The following SGCZ variants were observed in gnomAD, a reference collection of about 807,000 sequenced individuals.
SGCZ encodes sarcoglycan zeta.
Under a neutral mutation model 41.3 loss-of-function variants are expected in SGCZ, and 40 were observed. The observed-to-expected ratio is 0.97, with a 90% CI of 0.75 to 1.26. SGCZ has a LOEUF of 1.26. Ranked by LOEUF, SGCZ falls within the 50% of genes most tolerant of loss-of-function variation. SGCZ has a pLI of 0.00. For synonymous variants in SGCZ, 206 were observed against 137.5 expected (o/e 1.50, Z -3.49); for missense variants, 552 against 369.8 (o/e 1.49, Z -4.04).
intron 5 of SGCZ, among the ~76,000 whole-genome samples, chr8:14,155,781 G>C (rs1442979885): frequency 6.6e-6 from 1 of 151,742 alleles, no homozygotes; most frequent in East Asian, 1.9e-4. Context: ...GTGATATTCT[G>C]AGAAATGCAT....
intron 1 of SGCZ, among the ~76,000 whole-genome samples, chr8:14,975,980 A>ATG (rs1801461513): frequency 7.7e-6 from 1 of 129,328 alleles, no homozygotes; most frequent in South Asian, 2.5e-4. Flanking sequence ...GCGTGTGTGT[A>ATG]TGTGTGTATA....
At chr8:14,787,506 TC>T in intron 1 of SGCZ, among the ~76,000 whole-genome samples, 1 of 152,120 alleles carries the variant, frequency 6.6e-6, no homozygotes. Flanking sequence ...TTCAGTGGAA[TC>T]ACTCTTTAAA....
intron 1 of SGCZ, among the ~76,000 whole-genome samples, chr8:15,130,015 G>A (rs1055868325): frequency 1.3e-5 from 2 of 151,998 alleles, no homozygotes; most frequent in African/African-American, 4.8e-5. Context: ...TGACTAAGTA[G>A]GCCAAAAAAT....
At chr8:15,156,635 C>T (rs1799337158) in intron 1 of SGCZ, among the ~76,000 whole-genome samples, 1 of 152,284 alleles carries the variant, frequency 6.6e-6, no homozygotes, top group Non-Finnish European at 1.5e-5. Context: ...CTTTGCAATA[C>T]ATACCAATGT....
intron 3 of SGCZ, among the ~76,000 whole-genome samples, chr8:14,313,365 T>A (rs1391919670): frequency 6.6e-6 from 1 of 152,196 alleles, no homozygotes; most frequent in Non-Finnish European, 1.5e-5. Context: ...CCAGGCTGGA[T>A]CACAGTTGCG....
In SGCZ at chr8:14,585,424, A is replaced by AT. The variant is rs556077524; in HGVS notation, c.40-30499dup. On this transcript the variant is annotated intron_variant, in intron 1 of 7. Coordinates refer to ENST00000382080, the MANE Select transcript of SGCZ (RefSeq NM_139167.4). ...AATTATAATGTTTATACTTCTTTCT[A>AT]TTTTTTCTATTTTCATTGTAGGGCT... Among the ~76,000 whole-genome samples the AT allele has an allele frequency of 6.1e-3, 929 of 151,982 alleles. 11 individuals carry two copies. Among genetic ancestry groups the AT allele is most frequent in the African/African-American group, 0.021 (883 of 41,466 alleles).
At chr8:15,179,250 CA>C (rs1452887597) in intron 1 of SGCZ, among the ~76,000 whole-genome samples, 1 of 152,028 alleles carries the variant, frequency 6.6e-6, no homozygotes, top group Non-Finnish European at 1.5e-5. Flanking sequence ...GATTTTTCTT[CA>C]GATAGAGGGA....
In SGCZ at chr8:14,122,430, CAA is replaced by C. The variant is rs371272681; in HGVS notation, c.548-14197_548-14196del. Among the ~76,000 whole-genome samples the C allele has an allele frequency of 5.4e-3, 823 of 152,204 alleles. 8 individuals carry two copies. Among genetic ancestry groups the C allele is most frequent in the African/African-American group, 0.019 (798 of 41,512 alleles). ...TAATTCAATTTCAAGGAATTTATCC[CAA>C]AGAGTTCTTTATGTGCACAGAGATG... On this transcript the variant is annotated intron_variant, in intron 5 of 7. Coordinates refer to ENST00000382080, the MANE Select transcript of SGCZ (RefSeq NM_139167.4).
intron 1 of SGCZ, among the ~76,000 whole-genome samples, chr8:15,090,884 C>T (rs776448715): frequency 6.6e-5 from 10 of 152,170 alleles, no homozygotes; most frequent in Non-Finnish European, 8.8e-5. Context: ...AAGGGAAACG[C>T]TAAGCAGCCA....
In SGCZ at chr8:14,087,150, C is replaced by G. The variant is rs776854463; in HGVS notation, c.*3293G>C. 2.0e-5 allele frequency among the ~76,000 whole-genome samples: 3 copies of G among 151,206 alleles called. No homozygotes were observed. The highest frequency in any genetic ancestry group is 4.4e-5 in the Non-Finnish European group (3 of 67,626). ...AACTCTTAGATAAATAATTATGTGC[C>G]AAATTATAAAACATATCATTCACAA... is the stretch of plus-strand genomic sequence containing the variant. On this transcript the variant is annotated 3_prime_UTR_variant, in exon 8 of 8. Coordinates refer to ENST00000382080, the MANE Select transcript of SGCZ (RefSeq NM_139167.4).
chr8:14,275,739 C>A (rs960683583), intron 3 of SGCZ, among the ~76,000 whole-genome samples: 1 of 152,104 alleles, frequency 6.6e-6, no homozygotes, highest in East Asian at 1.9e-4. Context: ...AGATCCCTAC[C>A]GTGCAGGATC....
intron 1 of SGCZ, among the ~76,000 whole-genome samples, chr8:14,766,247 A>C (rs1463579074): frequency 1.3e-5 from 2 of 152,206 alleles, no homozygotes; most frequent in Non-Finnish European, 2.9e-5. Context: ...GGCATGAGGC[A>C]TGGCCCCCAG....
chr8:14,840,834 G>C (rs1280742901), intron 1 of SGCZ, among the ~76,000 whole-genome samples: 2 of 152,214 alleles, frequency 1.3e-5, no homozygotes, highest in East Asian at 3.9e-4. Context: ...GACTCAAGAA[G>C]TGTCAGATTC....
At chr8:14,768,663 C>G (rs1435214101) in intron 1 of SGCZ, among the ~76,000 whole-genome samples, 1 of 152,140 alleles carries the variant, frequency 6.6e-6, no homozygotes, top group Non-Finnish European at 1.5e-5. Context: ...TCTCACTAAA[C>G]ACACATCCTC....
At chr8:14,102,901 A>G (rs1802079115) in intron 6 of SGCZ, among the ~76,000 whole-genome samples, 1 of 152,038 alleles carries the variant, frequency 6.6e-6, no homozygotes, top group Admixed American at 6.6e-5. Context: ...TAAAAAATTT[A>G]CAGTTTAGGA....
chr8:15,087,825 T>C (rs1806004832), intron 1 of SGCZ, among the ~76,000 whole-genome samples: 1 of 152,142 alleles, frequency 6.6e-6, no homozygotes, highest in Admixed American at 6.5e-5. Context: ...GCAAATAAGC[T>C]ATCATAATCT....
intron 1 of SGCZ, among the ~76,000 whole-genome samples, chr8:15,014,371 C>G (rs1242711277): frequency 6.6e-6 from 1 of 152,126 alleles, no homozygotes; most frequent in East Asian, 1.9e-4. Flanking sequence ...GGTGCCAGTC[C>G]CAAATAATAT....
intron 1 of SGCZ, among the ~76,000 whole-genome samples, chr8:15,144,281 T>A (rs1798973783): frequency 6.6e-6 from 1 of 152,234 alleles, no homozygotes; most frequent in Non-Finnish European, 1.5e-5. Flanking sequence ...CTTGATCCTA[T>A]ATATCTTTGT....
At chr8:15,140,163 C>A (rs1165600699) in intron 1 of SGCZ, among the ~76,000 whole-genome samples, 2 of 152,016 alleles carry the variant, frequency 1.3e-5, no homozygotes, top group Admixed American at 6.6e-5. Flanking sequence ...GCTGGGTGCA[C>A]ACAGGTGTGC....
Sources: allele counts gnomAD v4.1 joint callset (sites outside exome capture counted in the v4.1 genomes callset), GRCh38; gene constraint gnomAD v4.1.1; transcripts MANE v1.5; gene names NCBI Gene and HGNC (gene_info 2026-07-23, HGNC 2026-07-21).